HEATR5B: variants seen among roughly 807,000 people sequenced by gnomAD.
The protein encoded by HEATR5B is HEAT repeat-containing protein 5B.
In HEATR5B, 156 loss-of-function variants were observed where a neutral mutation model predicts 224.1. The ratio of observed to expected loss-of-function variants is 0.70; its 90% confidence interval spans 0.61 to 0.80. HEATR5B has a LOEUF of 0.80. HEATR5B is among the 30% of genes least tolerant of loss of function. HEATR5B has a pLI of 0.00. For synonymous variants in HEATR5B, 1,027 were observed against 893.0 expected (o/e 1.15, Z -2.68); for missense variants, 2,323 against 2,535.5 (o/e 0.92, Z 1.80).
At position 37,003,593 on chromosome 2, in the gene HEATR5B, G is replaced by A; in HGVS notation, c.4999C>T (p.Gln1667Ter). ...VQLLVTGVVQ[Q>*]IVRAAQDYLQ... is the part of the protein sequence containing the mutation. ...TAATCCTGAGCAGCTCTTACTATCT[G>A]TTGTACAACTCCAGTAACCAACAGC... The change falls in exon 31 of 36, where the codon CAG becomes TAG. Residue 1667 changes from glutamine (Q) to a stop codon, truncating the protein, a stop_gained. Transcript: ENST00000233099. LOFTEE classifies it high-confidence loss of function. The A allele has an allele frequency of 6.2e-7, 1 of 1,611,884 alleles. No homozygotes were observed. The highest frequency in any genetic ancestry group is 8.5e-7 in the Non-Finnish European group (1 of 1,178,286).
At chr2:37,023,748 C>G (rs10084334) in intron 24 of HEATR5B, among the ~76,000 whole-genome samples, 45,016 of 151,762 alleles carry the variant, frequency 0.3, 7,249 homozygotes, top group East Asian at 0.65. Context: ...ACCGCACTTA[C>G]CTTGGGTGAC....
chr2:37,081,123 G>A (rs1203732817), intron 2 of HEATR5B, among the ~76,000 whole-genome samples: 1 of 152,156 alleles, frequency 6.6e-6, no homozygotes, highest in Non-Finnish European at 1.5e-5. Context: ...AGTAATGGCT[G>A]GACAAGTGCT....
At chr2:37,041,033 T>C (rs1669838554) in intron 19 of HEATR5B, 100 bp downstream of exon 19, 1 of 892,532 alleles carries the variant, frequency 1.1e-6, no homozygotes, top group Non-Finnish European at 1.7e-6. Flanking sequence ...CTAATATATT[T>C]GTCCTAACAA....
At chr2:37,049,320 AAGGG>A (rs1224404488) in intron 18 of HEATR5B, among the ~76,000 whole-genome samples, 1 of 152,222 alleles carries the variant, frequency 6.6e-6, no homozygotes, top group African/African-American at 2.4e-5. Context: ...GGGACAAGGA[AAGGG>A]AGGGAGGAGA....
At chr2:36,986,593 G>A (rs1572730118) in intron 35 of HEATR5B, among the ~76,000 whole-genome samples, 1 of 152,106 alleles carries the variant, frequency 6.6e-6, no homozygotes, top group South Asian at 2.1e-4. Flanking sequence ...TAGGTGGAGA[G>A]CAATGTGACA....
Position 37,013,933 on chromosome 2 carries a change from T to G in HEATR5B, c.4192A>C (p.Lys1398Gln). Reference sequence around the variant, plus strand: ...GAAGATCCTTTTCCAGCCTGAACTTTGTCCAGAGAAGAAACAAGAAGATTG... The same window carrying G: ...GAAGATCCTTTTCCAGCCTGAACTTGGTCCAGAGAAGAAACAAGAAGATTG... ...VHNLLVSSLD[K>Q]VQAGKGSSSQ... Residue 1398 changes from lysine (K) to glutamine (Q), a missense_variant, in exon 27 of 36, where the codon AAA becomes CAA. Transcript: ENST00000233099. 1 of 1,613,200 alleles carries G rather than the reference T, an allele frequency of 6.2e-7. No individual in the cohort carries two copies. Among genetic ancestry groups the G allele is most frequent in the Non-Finnish European group, 8.5e-7 (1 of 1,179,566 alleles).
chr2:37,052,698 C>T (rs897062428), intron 17 of HEATR5B, among the ~76,000 whole-genome samples: 4 of 152,198 alleles, frequency 2.6e-5, no homozygotes, highest in Non-Finnish European at 5.9e-5. Context: ...CAAGGGTTAT[C>T]TGAACATAGG....
At chr2:37,004,798 T>C (rs1461032083) in intron 30 of HEATR5B, among the ~76,000 whole-genome samples, 2 of 152,170 alleles carry the variant, frequency 1.3e-5, no homozygotes, top group East Asian at 1.9e-4. Flanking sequence ...AATTTTTAAA[T>C]GCTATTTATC....
intron 2 of HEATR5B, 24 bp from the exon 3 acceptor site, chr2:37,079,355 A>G (rs1203972556): frequency 7.0e-7 from 1 of 1,419,346 alleles, no homozygotes; most frequent in Non-Finnish European, 9.6e-7. Context: ...AATTTTTAAA[A>G]GAACATCATT....
chr2:37,054,521 G>A (rs1296703228), intron 16 of HEATR5B, among the ~76,000 whole-genome samples: 1 of 107,486 alleles, frequency 9.3e-6, no homozygotes, highest in African/African-American at 3.7e-5. Flanking sequence ...TTTCGCTCTT[G>A]TTGCCCAGGC....
chr2:36,992,917 C>T (rs149750291), intron 33 of HEATR5B, among the ~76,000 whole-genome samples: 2 of 151,916 alleles, frequency 1.3e-5, no homozygotes, highest in East Asian at 1.9e-4. Context: ...ATAGAGACAG[C>T]GTCTTACCAT....
intron 23 of HEATR5B, 27 bp downstream of exon 23, chr2:37,028,654 T>G: frequency 6.2e-7 from 1 of 1,602,326 alleles, no homozygotes; most frequent in Non-Finnish European, 8.5e-7. Context: ...ATTTCCATTA[T>G]TTTAAGAACG....
intron 35 of HEATR5B, among the ~76,000 whole-genome samples, chr2:36,988,188 A>C (rs2148327080): frequency 6.6e-6 from 1 of 152,120 alleles, no homozygotes; most frequent in East Asian, 1.9e-4. Flanking sequence ...ATTCATTTGA[A>C]CTTCCTGCTC....
In HEATR5B at chr2:36,987,614, G is replaced by A. The variant is rs1445205449; in HGVS notation, c.5911+1032C>T. Reference sequence around the variant, plus strand: ...AATATATTAAACTGCATAAGTTTCTGGTTAAATGGATGTATGCAGTAGTTT... The same window carrying A: ...AATATATTAAACTGCATAAGTTTCTAGTTAAATGGATGTATGCAGTAGTTT... On this transcript the variant is annotated intron_variant, in intron 35 of 35. Coordinates refer to ENST00000233099, the MANE Select transcript of HEATR5B (RefSeq NM_019024.3). Among the ~76,000 whole-genome samples the A allele has an allele frequency of 5.9e-5, 9 of 151,812 alleles. No individual in the cohort carries two copies. The East Asian group carries it at 1.7e-3, about 29-fold the overall frequency.
At chr2:37,060,769 T>C (rs760847167) in intron 11 of HEATR5B, 36 bp from the exon 12 acceptor site, 3 of 1,576,836 alleles carry the variant, frequency 1.9e-6, no homozygotes, top group South Asian at 1.1e-5. Context: ...ACCATGTATA[T>C]GTAACATACC....
At chr2:36,992,383 C>A (rs1666389435) in intron 33 of HEATR5B, among the ~76,000 whole-genome samples, 1 of 152,122 alleles carries the variant, frequency 6.6e-6, no homozygotes, top group African/African-American at 2.4e-5. Flanking sequence ...GAATTCAAGA[C>A]TAGCCTGGGC....
At chr2:37,070,147 G>A (rs914289858) in intron 7 of HEATR5B, 83 bp downstream of exon 7, 34 of 1,307,054 alleles carry the variant, frequency 2.6e-5, no homozygotes, top group African/African-American at 4.4e-5. Flanking sequence ...CAATCTGCCC[G>A]CCTTGGCCTC....
At chr2:37,013,744 T>TA in intron 27 of HEATR5B, 97 bp downstream of exon 27, 2 of 1,170,352 alleles carry the variant, frequency 1.7e-6, no homozygotes, top group Non-Finnish European at 2.4e-6. Flanking sequence ...GGTTAGTTTT[T>TA]AAAAAACAAA....
rs543422737 is a variant in HEATR5B at position 37,036,515 on chromosome 2, TG to T, written c.3216+1339del. ...TGCAAATCACACCTTAAATATCAAT[TG>T]TTTTTTTTTTTTGAGACAGAGTTTC... is the stretch of plus-strand genomic sequence containing the variant. On this transcript the variant is annotated intron_variant, in intron 21 of 35. Coordinates refer to ENST00000233099, the MANE Select transcript of HEATR5B (RefSeq NM_019024.3). Among the ~76,000 whole-genome samples, 609 of 91,646 alleles carry T rather than the reference TG, an allele frequency of 6.6e-3. 6 individuals are homozygous for T. Among genetic ancestry groups the T allele is most frequent in the African/African-American group, 0.037 (583 of 15,792 alleles). The allele number at this position is 91,646 out of a possible 152,430, so 60.1% of individuals were successfully genotyped here.
Sources: allele counts gnomAD v4.1 joint callset (sites outside exome capture counted in the v4.1 genomes callset), GRCh38; gene constraint gnomAD v4.1.1; transcripts MANE v1.5; gene names NCBI Gene and HGNC (gene_info 2026-07-23, HGNC 2026-07-21).